PLEK2: variants seen among roughly 807,000 people sequenced by gnomAD.
PLEK2 encodes pleckstrin 2.
Under a neutral mutation model 43.8 loss-of-function variants are expected in PLEK2, and 29 were observed. The ratio of observed to expected loss-of-function variants is 0.66; its 90% confidence interval spans 0.49 to 0.90. PLEK2 has a LOEUF of 0.90. Ranked by LOEUF, PLEK2 falls within the 40% of genes least tolerant of loss-of-function variation. PLEK2 has a pLI of 0.00. For synonymous variants in PLEK2, 162 were observed against 173.2 expected, an observed-to-expected ratio of 0.94 and a Z score of 0.51; for missense variants, 398 against 448.1, an observed-to-expected ratio of 0.89 and a Z score of 1.01.
chr14:67,408,305 A>T (rs958766909), intron 1 of PLEK2, among the ~76,000 whole-genome samples: 2 of 76,016 alleles, frequency 2.6e-5, no homozygotes, highest in Non-Finnish European at 6.6e-5. Context: ...TAAATAAAAT[A>T]AAATAAAATA....
chr14:67,399,687 G>C (rs113100123), intron 1 of PLEK2, among the ~76,000 whole-genome samples: 1 of 132,446 alleles, frequency 7.6e-6, no homozygotes, highest in African/African-American at 3.3e-5. Context: ...GTTTAGGTGG[G>C]TCTCAGGTGG....
intron 6 of PLEK2, 23 bp from the exon 7 acceptor site, chr14:67,390,769 A>C (rs2085960628): frequency 6.5e-7 from 1 of 1,532,686 alleles, no homozygotes; most frequent in African/African-American, 1.4e-5. Flanking sequence ...AATGGTTCAA[A>C]GCTCATTGGT....
At chr14:67,409,895 A>C (rs1264666323) in intron 1 of PLEK2, among the ~76,000 whole-genome samples, 1 of 152,112 alleles carries the variant, frequency 6.6e-6, no homozygotes, top group Non-Finnish European at 1.5e-5. Context: ...GGGTTGAAAA[A>C]GTTGGGATTA....
intron 1 of PLEK2, among the ~76,000 whole-genome samples, chr14:67,406,030 A>C (rs562528649): frequency 6.6e-6 from 1 of 152,270 alleles, no homozygotes; most frequent in East Asian, 1.9e-4. Flanking sequence ...GGCTGAGGGC[A>C]GGTAGATCAC....
intron 2 of PLEK2, 62 bp from the exon 3 acceptor site, chr14:67,395,645 A>G (rs2086002876): frequency 6.7e-7 from 1 of 1,500,898 alleles, no homozygotes; most frequent in African/African-American, 1.4e-5. Flanking sequence ...GCCGGGCAGC[A>G]AAAATGACGG....
intron 1 of PLEK2, chr14:67,398,027 A>G (rs8004332): frequency 0.11 from 45,595 of 400,122 alleles, 6,284 homozygotes; most frequent in East Asian, 0.41. Context: ...CTATTTGGCC[A>G]TTTCTCTGGT....
chr14:67,397,937 C>T, intron 1 of PLEK2, 111 bp from the exon 2 acceptor site: 1 of 826,730 alleles, frequency 1.2e-6, no homozygotes, highest in South Asian at 2.2e-5. Context: ...GGAAATCAGT[C>T]TCCAAGGAAG....
chr14:67,410,431 G>T (rs1228039236), intron 1 of PLEK2, among the ~76,000 whole-genome samples: 1 of 152,056 alleles, frequency 6.6e-6, no homozygotes, highest in Non-Finnish European at 1.5e-5. Context: ...GTGAGATTAG[G>T]AGCTCCCCAT....
intron 7 of PLEK2, among the ~76,000 whole-genome samples, chr14:67,389,658 A>G (rs754866915): frequency 2.6e-5 from 4 of 152,062 alleles, no homozygotes; most frequent in East Asian, 1.9e-4. Context: ...GTGTGTGTAT[A>G]TATTTTCTCA....
chr14:67,411,982 AC>A, intron 1 of PLEK2, 35 bp downstream of exon 1: 1 of 1,519,422 alleles, frequency 6.6e-7, no homozygotes, highest in Non-Finnish European at 8.8e-7. Context: ...GCGGGGCCCC[AC>A]CCGGGCAATG....
chr14:67,388,217 A>G lies in PLEK2; in HGVS notation c.934+7T>C. 2 of 1,602,786 alleles carry G rather than the reference A, an allele frequency of 1.2e-6. No individual in the cohort carries two copies. The highest frequency in any genetic ancestry group is 1.7e-6 in the Non-Finnish European group (2 of 1,169,722). On this transcript the variant is annotated splice_region_variant and intron_variant, in intron 8 of 8. Coordinates refer to ENST00000216446, the MANE Select transcript of PLEK2 (RefSeq NM_016445.3). ...ATCTTCAGGCCAGGGCTGAAGTTGT[A>G]CCTTACCAGTGGGAACGCCATTATC...
At chr14:67,388,019 A>G (rs1036135263) in intron 8 of PLEK2, among the ~76,000 whole-genome samples, 1 of 152,238 alleles carries the variant, frequency 6.6e-6, no homozygotes, top group African/African-American at 2.4e-5. Flanking sequence ...GATTATTAAC[A>G]TAAGGATTAC....
intron 6 of PLEK2, 135 bp from the exon 7 acceptor site, chr14:67,390,881 G>A: frequency 1.4e-6 from 1 of 735,438 alleles, no homozygotes; most frequent in Middle Eastern, 2.4e-4. Context: ...CAGTCCACAG[G>A]AAACCTGAGG....
Position 67,393,187 on chromosome 14 carries a change from G to A in PLEK2, c.444C>T (p.Asn148=). 6.2e-7 allele frequency: 1 copy of A among 1,613,968 alleles called. No individual in the cohort carries two copies. Among genetic ancestry groups the A allele is most frequent in the Non-Finnish European group, 8.5e-7 (1 of 1,179,820 alleles). ...TTTTATAGGTGCTTCCCTGCTCCAT[G>A]TTGGGGCTTGAACGGATTCCGGTGT... ...DSNTGIRSSP[N]MEQGSTYKKT... The change falls in exon 4 of 9, where the codon AAC becomes AAT. Residue 148 remains asparagine (N), a synonymous_variant. Coordinates refer to ENST00000216446, the MANE Select transcript of PLEK2 (RefSeq NM_016445.3).
intron 1 of PLEK2, among the ~76,000 whole-genome samples, chr14:67,411,136 CAAAAAAAA>C (rs925514488): frequency 1.9e-5 from 1 of 52,072 alleles, no homozygotes; most frequent in Admixed American, 1.9e-4. Context: ...GACCCTGTCT[CAAAAAAAA>C]AAAAAAAAAA....
intron 2 of PLEK2, among the ~76,000 whole-genome samples, chr14:67,397,377 C>T (rs147061678): frequency 1.3e-5 from 2 of 152,356 alleles, no homozygotes; most frequent in African/African-American, 4.8e-5. Flanking sequence ...CCAGCCCATA[C>T]AGTGCTCTAA....
intron 1 of PLEK2, among the ~76,000 whole-genome samples, chr14:67,398,225 T>C (rs1308223195): frequency 6.6e-6 from 1 of 152,182 alleles, no homozygotes. Flanking sequence ...TCTAGTTTTT[T>C]TTGTTTTTGT....
intron 7 of PLEK2, among the ~76,000 whole-genome samples, chr14:67,389,810 A>AT (rs2085954152): frequency 8.3e-6 from 1 of 120,470 alleles, no homozygotes; most frequent in Non-Finnish European, 1.8e-5. Context: ...TCATTTGTTT[A>AT]TTTTTTCCTT....
chr14:67,397,227 C>A (rs1294656154), intron 2 of PLEK2, among the ~76,000 whole-genome samples: 2 of 152,226 alleles, frequency 1.3e-5, no homozygotes, highest in Non-Finnish European at 2.9e-5. Flanking sequence ...GCGTGAGCCA[C>A]CACGCCCAGC....
Sources: allele counts gnomAD v4.1 joint callset (sites outside exome capture counted in the v4.1 genomes callset), GRCh38; gene constraint gnomAD v4.1.1; transcripts MANE v1.5; gene names NCBI Gene and HGNC (gene_info 2026-07-23, HGNC 2026-07-21).